ROBO2: variants seen among roughly 807,000 people sequenced by gnomAD.
ROBO2 encodes the protein roundabout guidance receptor 2.
In ROBO2, 53 loss-of-function variants were observed where a neutral mutation model predicts 160.8. The observed-to-expected ratio is 0.33, with a 90% confidence interval of 0.26 to 0.41. ROBO2 has a LOEUF of 0.41. ROBO2 is among the 10% of genes least tolerant of loss of function. The pLI is 1.00. For missense variants in ROBO2, 1,577 were observed against 1,722.4 expected, an observed-to-expected ratio of 0.92 and a Z score of 1.49; for synonymous variants, 664 against 611.7, an observed-to-expected ratio of 1.09 and a Z score of -1.26.
intron 2 of ROBO2, among the ~76,000 whole-genome samples, chr3:76,393,441 AAGT>A (rs1296701368): frequency 6.6e-6 from 1 of 152,188 alleles, no homozygotes; most frequent in Non-Finnish European, 1.5e-5. Context: ...TATTAGAAAA[AAGT>A]AGTTTGTGGG....
chr3:76,667,552 A>G (rs2092096946), intron 2 of ROBO2, among the ~76,000 whole-genome samples: 1 of 147,636 alleles, frequency 6.8e-6, no homozygotes, highest in Non-Finnish European at 1.5e-5. Context: ...ATTTAAAATA[A>G]GCAGGTTAAT....
At chr3:77,452,489 A>C (rs1250298914) in intron 2 of ROBO2, among the ~76,000 whole-genome samples, 1 of 152,178 alleles carries the variant, frequency 6.6e-6, no homozygotes, top group Non-Finnish European at 1.5e-5. Context: ...CACTCATTCC[A>C]ATCCCCCAGG....
intron 2 of ROBO2, among the ~76,000 whole-genome samples, chr3:76,512,215 C>T (rs974754149): frequency 4.0e-5 from 6 of 151,330 alleles, no homozygotes; most frequent in Admixed American, 2.0e-4. Flanking sequence ...CCTGGTCTCT[C>T]AATAACTTTT....
chr3:76,370,759 G>A (rs1206225042), intron 2 of ROBO2, among the ~76,000 whole-genome samples: 1 of 151,900 alleles, frequency 6.6e-6, no homozygotes, highest in African/African-American at 2.4e-5. Flanking sequence ...AAAATAAAAT[G>A]AGGTAATTCA....
chr3:76,030,039 C>T (rs1365793041), intron 2 of ROBO2, among the ~76,000 whole-genome samples: 1 of 152,244 alleles, frequency 6.6e-6, no homozygotes, highest in Middle Eastern at 3.4e-3. Flanking sequence ...TGTTTCCTGA[C>T]TTTTTAATGA....
chr3:76,830,187 A>G (rs1215188740), intron 2 of ROBO2, among the ~76,000 whole-genome samples: 2 of 151,936 alleles, frequency 1.3e-5, no homozygotes, highest in South Asian at 2.1e-4. Context: ...CATGCATGCT[A>G]TTCTTTCCTT....
At chr3:76,020,352 A>G (rs2066537787) in intron 2 of ROBO2, among the ~76,000 whole-genome samples, 1 of 151,732 alleles carries the variant, frequency 6.6e-6, no homozygotes. Flanking sequence ...TAATTTTTTT[A>G]CATTTATTAC....
At position 76,060,842 on chromosome 3, in the gene ROBO2, C is replaced by CA. The variant is rs1480949860; in HGVS notation, c.109+123241dup. Among the ~76,000 whole-genome samples, 4 of 152,250 alleles carry CA rather than the reference C, an allele frequency of 2.6e-5. No homozygotes were observed. In the East Asian group the frequency reaches 7.7e-4, roughly 29 times the overall value. Reference sequence around the variant, plus strand: ...TGATTTGTTATGGGCAGAGAAATAACAGAGAATAAGAAATCTCAAACTTCG... The same window carrying CA: ...TGATTTGTTATGGGCAGAGAAATAACAAGAGAATAAGAAATCTCAAACTTCG... On this transcript the variant is annotated intron_variant, in intron 2 of 26. Transcript: ENST00000487694.
intron 2 of ROBO2, among the ~76,000 whole-genome samples, chr3:76,373,667 G>A (rs2076209803): frequency 6.6e-6 from 1 of 151,924 alleles, no homozygotes; most frequent in South Asian, 2.1e-4. Context: ...ATAAATTGGT[G>A]CTCAACAGTA....
intron 2 of ROBO2, among the ~76,000 whole-genome samples, chr3:76,621,547 C>T (rs1209127997): frequency 6.6e-6 from 1 of 152,174 alleles, no homozygotes; most frequent in Non-Finnish European, 1.5e-5. Flanking sequence ...CCTAACTTCA[C>T]CATCTACCAA....
At chr3:76,836,245 C>T (rs930706577) in intron 2 of ROBO2, among the ~76,000 whole-genome samples, 4 of 151,874 alleles carry the variant, frequency 2.6e-5, no homozygotes, top group South Asian at 2.1e-4. Context: ...TAATGTAGGA[C>T]GTTCCTATCA....
At chr3:77,618,627 T>C (rs1251519946) in intron 22 of ROBO2, among the ~76,000 whole-genome samples, 3 of 152,060 alleles carry the variant, frequency 2.0e-5, no homozygotes, top group Non-Finnish European at 4.4e-5. Flanking sequence ...ATTTGTTTTG[T>C]TTTTTAAATT....
chr3:76,957,900 A>G (rs1020912948), intron 2 of ROBO2, among the ~76,000 whole-genome samples: 1 of 152,004 alleles, frequency 6.6e-6, no homozygotes, highest in Non-Finnish European at 1.5e-5. Context: ...TGCTGTGTTC[A>G]TGACCACGGA....
At chr3:77,447,332 T>C (rs2080638734) in intron 2 of ROBO2, among the ~76,000 whole-genome samples, 1 of 152,146 alleles carries the variant, frequency 6.6e-6, no homozygotes, top group African/African-American at 2.4e-5. Flanking sequence ...TGTTGGAATA[T>C]TCAATACTTT....
rs571793435 is a variant in ROBO2 at position 76,849,330 on chromosome 3, A to T, written c.110-248684A>T. ...GTCTTAGAATCTCATATTTGGAAAA[A>T]GTTTGGGAGAGACATGTTATATTTT... On this transcript the variant is annotated intron_variant, in intron 2 of 26. Transcript: ENST00000487694. Among the ~76,000 whole-genome samples, 15 of 152,300 alleles carry T rather than the reference A, an allele frequency of 9.8e-5. No individual in the cohort carries two copies. The South Asian group carries it at 2.9e-3, about 29-fold the overall frequency.
intron 2 of ROBO2, among the ~76,000 whole-genome samples, chr3:77,377,345 A>G (rs1190615259): frequency 1.3e-5 from 2 of 152,300 alleles, no homozygotes; most frequent in East Asian, 3.9e-4. Flanking sequence ...ATTTTGTGAA[A>G]TACACCAACA....
intron 2 of ROBO2, among the ~76,000 whole-genome samples, chr3:76,648,209 C>G (rs1317799391): frequency 1.3e-5 from 2 of 151,676 alleles, no homozygotes; most frequent in Non-Finnish European, 2.9e-5. Context: ...AATAAACATG[C>G]AATTCAATTA....
At chr3:76,379,544 A>T (rs2076517225) in intron 2 of ROBO2, among the ~76,000 whole-genome samples, 1 of 152,164 alleles carries the variant, frequency 6.6e-6, no homozygotes, top group Non-Finnish European at 1.5e-5. Flanking sequence ...GATACCATGA[A>T]ACGTAAATTA....
intron 2 of ROBO2, among the ~76,000 whole-genome samples, chr3:76,379,938 T>C (rs192005571): frequency 3.3e-5 from 5 of 152,306 alleles, no homozygotes; most frequent in African/African-American, 1.2e-4. Flanking sequence ...GTTTATTTTA[T>C]TCCTCTTGTT....
Sources: gnomAD v4.1 joint callset for allele counts (sites outside exome capture counted in the v4.1 genomes callset) on GRCh38, gnomAD v4.1.1 for gene constraint, MANE v1.5 for transcripts, NCBI Gene and HGNC (gene_info 2026-07-23, HGNC 2026-07-21) for gene names.